Variants in LCP1 observed in about 807,000 individuals in gnomAD.
LCP1 encodes the protein plastin-2.
In LCP1, 23 loss-of-function variants were observed where a neutral mutation model predicts 72.0. The observed-to-expected ratio is 0.32, with a 90% CI of 0.23 to 0.45. LCP1 has a LOEUF of 0.45. Ranked by LOEUF, LCP1 falls within the 20% of genes least tolerant of loss-of-function variation. The pLI is 1.00. For synonymous variants in LCP1, 245 were observed against 275.4 expected (o/e 0.89, Z 1.09); for missense variants, 571 against 748.3 (o/e 0.76, Z 2.76).
intron 1 of LCP1, among the ~76,000 whole-genome samples, chr13:46,164,219 G>T (rs1435602076): frequency 1.3e-5 from 2 of 152,136 alleles, no homozygotes; most frequent in Non-Finnish European, 2.9e-5. Flanking sequence ...ATAAGTAGAA[G>T]CAGAGAACAA....
At chr13:46,174,406 T>C (rs1334448646) in intron 1 of LCP1, among the ~76,000 whole-genome samples, 2 of 152,330 alleles carry the variant, frequency 1.3e-5, no homozygotes, top group Middle Eastern at 3.4e-3. Flanking sequence ...AGTGCCTAAA[T>C]AGCCTAATCT....
At chr13:46,157,055 C>T (rs759037642) in intron 4 of LCP1, among the ~76,000 whole-genome samples, 21 of 151,820 alleles carry the variant, frequency 1.4e-4, no homozygotes, top group Non-Finnish European at 2.5e-4. Context: ...TTCCTGACCT[C>T]GTGATCTGCC....
chr13:46,151,244 T>C (rs1370537172), intron 7 of LCP1, among the ~76,000 whole-genome samples, 166 bp from the exon 8 acceptor site: 1 of 152,238 alleles, frequency 6.6e-6, no homozygotes, highest in Non-Finnish European at 1.5e-5. Context: ...TTTATTATTA[T>C]TCCCTAAAAA....
At chr13:46,167,597 C>T (rs956086733) in intron 1 of LCP1, among the ~76,000 whole-genome samples, 1 of 152,172 alleles carries the variant, frequency 6.6e-6, no homozygotes, top group African/African-American at 2.4e-5. Flanking sequence ...CCCTTTAGCC[C>T]ACATTCTACC....
At chr13:46,130,619 G>T (rs1385811354) in intron 15 of LCP1, among the ~76,000 whole-genome samples, 195 bp downstream of exon 15, 1 of 150,586 alleles carries the variant, frequency 6.6e-6, no homozygotes. Flanking sequence ...TCCCATTCTG[G>T]CACTAGAAGT....
Position 46,143,392 on chromosome 13 carries a change from A to T in LCP1, c.1266T>A (p.Asp422Glu), listed in dbSNP as rs755946123. 6.2e-7 allele frequency: 1 copy of T among 1,612,574 alleles called. No homozygotes were observed. Among genetic ancestry groups the T allele is most frequent in the East Asian group, 2.2e-5 (1 of 44,868 alleles). ...RVNHLYSDLS[D>E]ALVIFQLYEK... ...CATAGAGCTGGAAGATGACCAGGGC[A>T]TCTGATAAGTCACTGAACAAAACAA... The change falls in exon 12 of 16, where the codon GAT becomes GAA. Residue 422 changes from aspartate (D) to glutamate (E), a missense_variant. Transcript: ENST00000323076.
At chr13:46,136,223 C>T (rs2045664349) in intron 13 of LCP1, among the ~76,000 whole-genome samples, 1 of 152,158 alleles carries the variant, frequency 6.6e-6, no homozygotes, top group Non-Finnish European at 1.5e-5. Context: ...ACTACCTGGG[C>T]CCCCTTCCCT....
At chr13:46,164,646 C>T (rs930258438) in intron 1 of LCP1, among the ~76,000 whole-genome samples, 3 of 152,180 alleles carry the variant, frequency 2.0e-5, no homozygotes, top group Non-Finnish European at 2.9e-5. Flanking sequence ...CAGCAACTGA[C>T]ATTGCTGTGA....
intron 7 of LCP1, 74 bp downstream of exon 7, chr13:46,152,706 C>G: frequency 6.9e-7 from 1 of 1,457,886 alleles, no homozygotes; most frequent in East Asian, 2.3e-5. Context: ...TTTCTGACAT[C>G]TTCCTCCTAC....
chr13:46,167,997 A>T (rs1412099200), intron 1 of LCP1, among the ~76,000 whole-genome samples: 1 of 152,276 alleles, frequency 6.6e-6, no homozygotes, highest in Admixed American at 6.5e-5. Flanking sequence ...AGAAATTAGC[A>T]CAGAGGCTTA....
At chr13:46,150,000 C>G (rs547693603) in intron 8 of LCP1, among the ~76,000 whole-genome samples, 2 of 152,142 alleles carry the variant, frequency 1.3e-5, no homozygotes, top group African/African-American at 4.8e-5. Flanking sequence ...CATCTAGAAG[C>G]TTGACTCTGA....
chr13:46,148,723 G>C, intron 8 of LCP1: 1 of 607,864 alleles, frequency 1.6e-6, no homozygotes, highest in Non-Finnish European at 2.2e-6. Context: ...GTTGTCTTTA[G>C]GGGAGAAAAA....
chr13:46,155,569 A>G (rs1043478325), intron 5 of LCP1, among the ~76,000 whole-genome samples: 5 of 152,302 alleles, frequency 3.3e-5, no homozygotes, highest in Admixed American at 1.3e-4. Flanking sequence ...AGCAGAGGAG[A>G]AAGCTCAATG....
intron 1 of LCP1, among the ~76,000 whole-genome samples, chr13:46,178,413 C>A: frequency 6.6e-6 from 1 of 152,044 alleles, no homozygotes. Flanking sequence ...CAGAAGGGAA[C>A]TGAGGAAAGC....
chr13:46,136,664 A>G (rs1251577164), intron 13 of LCP1, among the ~76,000 whole-genome samples: 1 of 152,182 alleles, frequency 6.6e-6, no homozygotes, highest in East Asian at 1.9e-4. Flanking sequence ...TTATGGCATA[A>G]CTGGCTTCTT....
chr13:46,172,453 C>T (rs2045909082), intron 1 of LCP1, among the ~76,000 whole-genome samples: 1 of 152,006 alleles, frequency 6.6e-6, no homozygotes, highest in Non-Finnish European at 1.5e-5. Flanking sequence ...CATTGCACTC[C>T]AGTCTGGGCC....
intron 15 of LCP1, among the ~76,000 whole-genome samples, chr13:46,128,817 T>G (rs2045617015): frequency 6.6e-6 from 1 of 152,064 alleles, no homozygotes; most frequent in South Asian, 2.1e-4. Context: ...GTAATTTATT[T>G]TCAAATGAGC....
intron 13 of LCP1, among the ~76,000 whole-genome samples, chr13:46,134,971 T>C (rs968435118): frequency 2.0e-5 from 3 of 151,946 alleles, no homozygotes; most frequent in African/African-American, 7.3e-5. Context: ...TAGCTGGACA[T>C]GGCAGCGCTT....
intron 1 of LCP1, among the ~76,000 whole-genome samples, chr13:46,175,566 T>C (rs148166978): frequency 6.6e-6 from 1 of 151,964 alleles, no homozygotes; most frequent in East Asian, 1.9e-4. Flanking sequence ...CAGTGAACAG[T>C]AGGGTGGGTA....
Sources: allele counts gnomAD v4.1 joint callset (sites outside exome capture counted in the v4.1 genomes callset), GRCh38; gene constraint gnomAD v4.1.1; transcripts MANE v1.5; gene names NCBI Gene and HGNC (gene_info 2026-07-23, HGNC 2026-07-21).